DMRTC1B: variants seen among roughly 807,000 people sequenced by gnomAD.
The protein encoded by DMRTC1B is doublesex- and mab-3-related transcription factor C1.
At chrX:72,820,642 C>T (rs2054692328) in intron 1 of DMRTC1B, among the ~76,000 whole-genome samples, 1 of 88,692 alleles carries the variant, frequency 1.1e-5, no homozygotes, top group African/African-American at 4.3e-5. Flanking sequence ...CCTCAGCCTC[C>T]CGAGTAGCTG....
intron 1 of DMRTC1B, chrX:72,807,975 G>A: frequency 5.9e-6 from 2 of 336,885 alleles, no homozygotes; most frequent in Non-Finnish European, 9.2e-6. Flanking sequence ...GTGCATCTCC[G>A]GCCCTCTTCC....
chrX:72,815,708 C>G (rs1279387112), intron 1 of DMRTC1B, among the ~76,000 whole-genome samples: 1 of 80,284 alleles, frequency 1.2e-5, no homozygotes, highest in East Asian at 3.3e-4. Context: ...TTATAAACAT[C>G]ATTCCGCTTT....
intron 1 of DMRTC1B, among the ~76,000 whole-genome samples, chrX:72,820,519 T>C (rs1402606681): frequency 2.8e-5 from 3 of 108,553 alleles, no homozygotes; most frequent in Non-Finnish European, 5.6e-5. Context: ...ATATTTCTTT[T>C]TTTTTTTTTT....
At chrX:72,820,457 T>G (rs2054689122) in intron 1 of DMRTC1B, among the ~76,000 whole-genome samples, 1 of 110,154 alleles carries the variant, frequency 9.1e-6, no homozygotes, top group East Asian at 2.8e-4. Context: ...TTAGGTTTAG[T>G]TTGCTCTTTT....
intron 1 of DMRTC1B, among the ~76,000 whole-genome samples, chrX:72,820,201 A>C (rs1375722267): frequency 1.7e-4 from 4 of 23,733 alleles, no homozygotes; most frequent in Admixed American, 1.6e-3. Flanking sequence ...ACAATTGTTC[A>C]TATTATTTCT....
chrX:72,777,012 C>T lies in DMRTC1B; in HGVS notation c.-331C>T, dbSNP rs1215938572. On this transcript the variant is annotated 5_prime_UTR_variant, in exon 1 of 7. Transcript: ENST00000334036. ...TCCTCCTCCTCCTCCTGCTCCTCCT[C>T]CTCCTGCTCCTCCTCCTCCTCCTCC... 1 of 727 alleles carries T rather than the reference C, an allele frequency of 1.4e-3. No individual in the cohort carries two copies. The highest frequency in any genetic ancestry group is 1.8e-3 in the Non-Finnish European group (1 of 571). The allele number at this position is 727 out of a possible 1,213,427, so 0.1% of individuals were successfully genotyped here.
intron 1 of DMRTC1B, among the ~76,000 whole-genome samples, chrX:72,820,557 G>T (rs1348338605): frequency 2.2e-5 from 2 of 90,641 alleles, no homozygotes; most frequent in African/African-American, 9.6e-5. Flanking sequence ...TCTCGCTGTC[G>T]CCCAGGCTGG....
chrX:72,840,132 AAAAAAAAAAAG>A (rs781984031), intron 1 of DMRTC1B, among the ~76,000 whole-genome samples: 19,293 of 76,897 alleles, frequency 0.25, 1,546 homozygotes, highest in East Asian at 0.57. Context: ...CGTCAAAAAA[AAAAAAAAAAAG>A]AAAGAAAGAA....
chrX:72,815,882 A>AT (rs1177487051), intron 1 of DMRTC1B, among the ~76,000 whole-genome samples: 57 of 42,150 alleles, frequency 1.4e-3, no homozygotes, highest in African/African-American at 5.1e-3. Context: ...TTCTGCCTGT[A>AT]TTTTTTTGGG....
At chrX:72,839,447 A>G (rs1288341479) in intron 1 of DMRTC1B, among the ~76,000 whole-genome samples, 2 of 113,472 alleles carry the variant, frequency 1.8e-5, no homozygotes, top group Non-Finnish European at 3.7e-5. Flanking sequence ...TTACTGAGAG[A>G]TAAAGCAATG....
At chrX:72,807,235 G>A (rs1199352785) in intron 1 of DMRTC1B, among the ~76,000 whole-genome samples, 6 of 79,168 alleles carry the variant, frequency 7.6e-5, no homozygotes, top group Admixed American at 1.3e-4. Context: ...AAAACTCACC[G>A]TTGATTGGCT....
intron 1 of DMRTC1B, among the ~76,000 whole-genome samples, chrX:72,839,383 G>T (rs1377935091): frequency 8.9e-6 from 1 of 112,779 alleles, no homozygotes; most frequent in African/African-American, 3.3e-5. Flanking sequence ...GGTGCATGCT[G>T]AAGTAACTGG....
chrX:72,790,255 C>T, intron 1 of DMRTC1B, among the ~76,000 whole-genome samples: 2 of 44,993 alleles, frequency 4.4e-5, no homozygotes, highest in Middle Eastern at 6.8e-3. Context: ...CTCAGTTCCT[C>T]TATGGCTGTT....
intron 1 of DMRTC1B, among the ~76,000 whole-genome samples, chrX:72,795,459 G>T (rs1307032401): frequency 1.1e-5 from 1 of 94,768 alleles, no homozygotes; most frequent in Non-Finnish European, 2.1e-5. Flanking sequence ...ATCACATCGC[G>T]GTTTAGATTT....
chrX:72,840,137 AAAAAAG>A (rs1228684568), intron 1 of DMRTC1B, among the ~76,000 whole-genome samples: 5 of 48,264 alleles, frequency 1.0e-4, no homozygotes, highest in Non-Finnish European at 1.6e-4. Flanking sequence ...AAAAAAAAAA[AAAAAAG>A]AAAGAAAGAA....
At chrX:72,807,140 C>T (rs1407696244) in intron 1 of DMRTC1B, among the ~76,000 whole-genome samples, 1 of 42,662 alleles carries the variant, frequency 2.3e-5, no homozygotes, top group Non-Finnish European at 4.4e-5. Flanking sequence ...GATGTTATTC[C>T]GTCCTCATTC....
chrX:72,807,590 G>C, intron 1 of DMRTC1B: 2 of 937,232 alleles, frequency 2.1e-6, no homozygotes, highest in Non-Finnish European at 1.4e-6. Context: ...GGAGGAAAGC[G>C]AGTGACAAGT....
At chrX:72,833,768 C>T (rs28800793) in intron 1 of DMRTC1B, among the ~76,000 whole-genome samples, 4 of 60 alleles carry the variant, frequency 0.067, 2 homozygotes, top group Non-Finnish European at 0.089. Context: ...CAAACCTGCA[C>T]GTTCTGCACA....
At chrX:72,820,505 C>T (rs1352421463) in intron 1 of DMRTC1B, among the ~76,000 whole-genome samples, 2 of 111,935 alleles carry the variant, frequency 1.8e-5, no homozygotes, top group Non-Finnish European at 3.8e-5. Context: ...GTTATTGACC[C>T]GAGATATTTC....
Sources: gnomAD v4.1 joint callset for allele counts (sites outside exome capture counted in the v4.1 genomes callset) on GRCh38, gnomAD v4.1.1 for gene constraint, MANE v1.5 for transcripts, NCBI Gene and HGNC (gene_info 2026-07-23, HGNC 2026-07-21) for gene names.